The following ECM1 variants were observed in gnomAD, a reference collection of about 807,000 sequenced individuals.
The protein encoded by ECM1 is extracellular matrix protein 1.
Under a neutral mutation model 57.9 loss-of-function variants are expected in ECM1, and 54 were observed. The observed-to-expected ratio is 0.93, with a 90% CI of 0.75 to 1.17. The LOEUF (loss-of-function observed/expected upper bound fraction) is 1.17. Among genes scored for constraint, ECM1 ranks in the 50% most tolerant of loss-of-function variants. The pLI, the probability that ECM1 is intolerant of heterozygous loss-of-function variation, is 0.00. For missense variants in ECM1, 649 were observed against 688.1 expected (o/e 0.94, Z 0.64); for synonymous variants, 237 against 259.1 (o/e 0.91, Z 0.82).
In ECM1 at chr1:150,511,523, T is replaced by A. The variant is rs1670440730; in HGVS notation, c.775T>A (p.Cys259Ser). ...GGTCAAGACCCGACCCCACTGGTGC[T>A]GCACGCGGCAGGGGGAGGCTCGGTT... ...FSVKTRPHWC[C>S]TRQGEARFSC... Residue 259 changes from cysteine to serine, a missense_variant, in exon 7 of 10, where the codon TGC becomes AGC. Transcript: ENST00000369047. 1 of 1,614,066 alleles carries A rather than the reference T, an allele frequency of 6.2e-7. No individual in the cohort carries two copies. The highest frequency in any genetic ancestry group is 1.7e-5 in the Admixed American group (1 of 60,014).
intron 1 of ECM1, among the ~76,000 whole-genome samples, chr1:150,508,533 G>C (rs1670338427): frequency 6.6e-6 from 1 of 152,170 alleles, no homozygotes; most frequent in South Asian, 2.1e-4. Context: ...CAACTGAGTG[G>C]GGGGTGGGTT....
intron 5 of ECM1, chr1:150,510,656 A>T: frequency 1.6e-6 from 1 of 625,144 alleles, no homozygotes; most frequent in South Asian, 1.9e-5. Context: ...GAGAAGCAGG[A>T]GGAGGTGGGG....
At chr1:150,511,866 T>TTGCC (rs772018532) in intron 7 of ECM1, 35 bp downstream of exon 7, 1 of 1,574,090 alleles carries the variant, frequency 6.4e-7, no homozygotes, top group African/African-American at 1.4e-5. Flanking sequence ...GAGAGCCTGT[T>TTGCC]TGCCTGCCTG....
chr1:150,512,631 C>T, intron 8 of ECM1, 59 bp downstream of exon 8: 1 of 1,612,088 alleles, frequency 6.2e-7, no homozygotes, highest in Non-Finnish European at 8.5e-7. Context: ...TTTTGGGACA[C>T]CTTTGGGAAA....
At chr1:150,510,212 C>A in intron 5 of ECM1, 30 bp downstream of exon 5, 1 of 1,603,992 alleles carries the variant, frequency 6.2e-7, no homozygotes, top group Non-Finnish European at 8.5e-7. Flanking sequence ...CTTTACCCAC[C>A]TTTACCTCAT....
At position 150,512,575 on chromosome 1, in the gene ECM1, A is replaced by G; in HGVS notation, c.1304+3A>G. The G allele has an allele frequency of 1.9e-6, 3 of 1,612,744 alleles. No individual in the cohort carries two copies. The highest frequency in any genetic ancestry group is 2.5e-6 in the Non-Finnish European group (3 of 1,179,970). On this transcript the variant is annotated splice_donor_region_variant and intron_variant, in intron 8 of 9. Coordinates refer to ENST00000369047, the MANE Select transcript of ECM1 (RefSeq NM_004425.4). The stretch of plus-strand genomic sequence containing the variant: ...AACCAAAGAGTTCTCACCAAGCAGT[A>G]AGTTGCCTAGTCCTTCCCCACTCTC...
Position 150,511,444 on chromosome 1 carries a change from C to T in ECM1, c.709-13C>T, listed in dbSNP as rs1560265960. 1.2e-6 allele frequency: 2 copies of T among 1,613,988 alleles called. No homozygotes were observed. Among genetic ancestry groups the T allele is most frequent in the Non-Finnish European group, 8.5e-7 (1 of 1,179,992 alleles). ...AATGTGGAAAGTGGGCTGATCCTCCCCTCTTGCTCTAGTGGGAGGAAGCAA... is the reference window on the plus strand; with the variant it reads ...AATGTGGAAAGTGGGCTGATCCTCCTCTCTTGCTCTAGTGGGAGGAAGCAA... On this transcript the variant is annotated splice_polypyrimidine_tract_variant and intron_variant, in intron 6 of 9. Transcript: ENST00000369047.
In ECM1 at chr1:150,511,212, C is replaced by T; in HGVS notation, c.708+14C>T. 1 of 1,614,012 alleles carries T rather than the reference C, an allele frequency of 6.2e-7. No homozygotes were observed. The highest frequency in any genetic ancestry group is 8.5e-7 in the Non-Finnish European group (1 of 1,179,978). On this transcript the variant is annotated intron_variant, in intron 6 of 9. Transcript: ENST00000369047. ...GCCAAACTTGTGGTAAGGTTGGGTT[C>T]TTGATGCCGGGGGGTGTCCTTTAAC... is the stretch of plus-strand genomic sequence containing the variant.
chr1:150,509,306 G>A (rs1016010956), intron 1 of ECM1: 6 of 618,862 alleles, frequency 9.7e-6, no homozygotes, highest in Admixed American at 4.9e-5. Context: ...GCCAGTAGAG[G>A]TGGAGCTATC....
chr1:150,513,341 C>A lies in ECM1; in HGVS notation c.1497C>A (p.Phe499Leu). Residue 499 changes from phenylalanine (F) to leucine (L), a missense_variant, in exon 10 of 10, where the codon TTC (phenylalanine) becomes TTA (leucine). By Grantham distance (22) the Phe-to-Leu change is conservative. Transcript: ENST00000369047. ...CTGGGGATGAACAGGTCAACTGCTT[C>A]AACATCAATTATCTGAGGAACGTGG... ...LSPGDEQVNC[F>L]NINYLRNVAL... is the part of the protein sequence containing the mutation. 6.2e-7 allele frequency: 1 copy of A among 1,614,250 alleles called. No individual in the cohort carries two copies. Among genetic ancestry groups the A allele is most frequent in the Non-Finnish European group, 8.5e-7 (1 of 1,180,040 alleles).
chr1:150,513,539 A>G lies in ECM1; in HGVS notation c.*72A>G. 7.4e-7 allele frequency: 1 copy of G among 1,353,222 alleles called. No homozygotes were observed. Among genetic ancestry groups the G allele is most frequent in the Non-Finnish European group, 1.0e-6 (1 of 977,788 alleles). 83.8% of individuals were successfully genotyped at this position (1,353,222 alleles called of 1,614,324 possible). A position where few individuals can be genotyped will look rare whatever the true frequency, so the allele number is the denominator to read the frequency against. ...CCCCACCCATCTGAACACTCATTAC[A>G]CTAAACACCTCTTGGATTTGGTGTC... On this transcript the variant is annotated 3_prime_UTR_variant, in exon 10 of 10. Coordinates refer to ENST00000369047, the MANE Select transcript of ECM1 (RefSeq NM_004425.4).
chr1:150,512,030 C>T (rs1023074945), intron 7 of ECM1, among the ~76,000 whole-genome samples, 199 bp downstream of exon 7: 2 of 151,030 alleles, frequency 1.3e-5, no homozygotes, highest in African/African-American at 2.4e-5. Context: ...ACACTTCTGG[C>T]CTCCTCCACT....
Position 150,509,908 on chromosome 1 carries a change from T to TC in ECM1, c.224-9dup, listed in dbSNP as rs35528649. 4 of 1,613,186 alleles carry TC rather than the reference T, an allele frequency of 2.5e-6. 1 individual carries two copies. In the South Asian group the frequency reaches 4.4e-5, roughly 18 times the overall value. On this transcript the variant is annotated splice_polypyrimidine_tract_variant and intron_variant, in intron 3 of 9. Transcript: ENST00000369047. ...GAGAAAGGGTGGGCTGCTCACACAT[T>TC]CCCCCTTCTATAGTGCAGCCCCCTC...
intron 6 of ECM1, 50 bp from the exon 7 acceptor site, chr1:150,511,407 G>GAGGAAGGC: frequency 6.2e-7 from 1 of 1,613,740 alleles, no homozygotes. Flanking sequence ...TGGAGCCTGG[G>GAGGAAGGC]AGGAAGGCAG....
At chr1:150,508,413 TG>T in intron 1 of ECM1, 134 bp downstream of exon 1, 1 of 906,338 alleles carries the variant, frequency 1.1e-6, no homozygotes, top group East Asian at 2.4e-5. Context: ...AGGCCCAAAG[TG>T]GGCCTAGGCC....
Position 150,513,318 on chromosome 1 carries a change from G to A in ECM1, c.1474G>A (p.Gly492Arg). The change falls in exon 10 of 10, where the codon GGG becomes AGG. Residue 492 changes from glycine (G) to arginine (R), a missense_variant. Physicochemically the swap from Gly to Arg is moderately radical, Grantham distance 125. Transcript: ENST00000369047. The part of the protein sequence containing the change: ...DPALCCYLSP[G>R]DEQVNCFNIN... ...TGCCCTCTGCTGTTACCTGAGTCCTGGGGATGAACAGGTCAACTGCTTCAA... is the reference window on the plus strand; with the variant it reads ...TGCCCTCTGCTGTTACCTGAGTCCTAGGGATGAACAGGTCAACTGCTTCAA... 2 of 1,614,234 alleles carry A rather than the reference G, an allele frequency of 1.2e-6. No homozygotes were observed. The highest frequency in any genetic ancestry group is 1.7e-6 in the Non-Finnish European group (2 of 1,180,040).
chr1:150,511,657 GC>G lies in ECM1; in HGVS notation c.912del (p.Thr305HisfsTer11). The G allele has an allele frequency of 6.2e-7, 1 of 1,614,114 alleles. No homozygotes were observed. ...TTGAGCTGCCTTTCCCTCCTGGGGT[GC>G]CCACATTGGACAATATCAAGAACAT... ...GLELPFPPGV[P>X]TLDNIKNICH... On this transcript the variant is annotated frameshift_variant, in exon 7 of 10. Coordinates refer to ENST00000369047, the MANE Select transcript of ECM1 (RefSeq NM_004425.4). LOFTEE classifies it high-confidence loss of function.
rs1670400595 is a variant in ECM1 at position 150,510,191 on chromosome 1, C to T, written c.385+9C>T. ...CAATGAACAGAAGGAAGGTAAGCAG[C>T]TCCCTCTCTTCTTTACCCACCTTTA... On this transcript the variant is annotated intron_variant, in intron 5 of 9. Transcript: ENST00000369047. The T allele has an allele frequency of 2.5e-6, 4 of 1,613,504 alleles. No homozygotes were observed. Among genetic ancestry groups the T allele is most frequent in the Non-Finnish European group, 2.5e-6 (3 of 1,179,418 alleles).
Position 150,512,817 on chromosome 1 carries a change from G to C in ECM1, c.1392+5G>C, listed in dbSNP as rs1201265405. ...GCCTGCTGTGCAGAGGAGGAGGTGA[G>C]TGTGTGGAGTCTAGTCTCCAGAGGA... On this transcript the variant is annotated splice_donor_5th_base_variant and intron_variant, in intron 9 of 9. Coordinates refer to ENST00000369047, the MANE Select transcript of ECM1 (RefSeq NM_004425.4). The C allele has an allele frequency of 2.5e-6, 4 of 1,614,050 alleles. No individual in the cohort carries two copies. The East Asian group carries it at 6.7e-5, about 27-fold the overall frequency.
Sources: gnomAD v4.1 joint callset for allele counts (sites outside exome capture counted in the v4.1 genomes callset) on GRCh38, gnomAD v4.1.1 for gene constraint, MANE v1.5 for transcripts, NCBI Gene and HGNC (gene_info 2026-07-23, HGNC 2026-07-21) for gene names.